Variants in RIMS2 observed in about 807,000 individuals in gnomAD.
RIMS2 encodes regulating synaptic membrane exocytosis 2, also known as regulating synaptic membrane exocytosis protein 2.
Under a neutral mutation model 174.4 loss-of-function variants are expected in RIMS2, and 59 were observed. The ratio of observed to expected loss-of-function variants is 0.34; its 90% CI spans 0.27 to 0.42. The LOEUF is 0.42. Among genes scored for constraint, RIMS2 ranks in the 10% least tolerant of loss-of-function variants. The pLI, the probability that RIMS2 is intolerant of heterozygous loss-of-function variation, is 1.00. For missense variants in RIMS2, 1,620 were observed against 1,666.3 expected, an observed-to-expected ratio of 0.97 and a Z score of 0.48; for synonymous variants, 606 against 572.5, an observed-to-expected ratio of 1.06 and a Z score of -0.84.
At chr8:104,224,500 A>G (rs1176926897) in intron 19 of RIMS2, among the ~76,000 whole-genome samples, 2 of 152,248 alleles carry the variant, frequency 1.3e-5, no homozygotes, top group African/African-American at 4.8e-5. Context: ...ACAATTTGTC[A>G]ATCAAAATGA....
intron 19 of RIMS2, among the ~76,000 whole-genome samples, chr8:104,031,557 G>T (rs891725648): frequency 6.6e-6 from 1 of 152,074 alleles, no homozygotes; most frequent in Non-Finnish European, 1.5e-5. Flanking sequence ...CATAGTTTAT[G>T]TGAGAATTTA....
chr8:103,647,639 G>C (rs577125152), intron 1 of RIMS2, among the ~76,000 whole-genome samples: 1 of 152,132 alleles, frequency 6.6e-6, no homozygotes, highest in African/African-American at 2.4e-5. Context: ...GTTTCTTCCT[G>C]GTTCAGCCTT....
chr8:104,225,112 A>G (rs753259945), intron 19 of RIMS2, among the ~76,000 whole-genome samples: 1 of 152,236 alleles, frequency 6.6e-6, no homozygotes, highest in Non-Finnish European at 1.5e-5. Context: ...TTGTAGCTAA[A>G]ACTTTTAGTA....
Position 103,881,761 on chromosome 8 carries a change from A to C in RIMS2, c.699-3537A>C, listed in dbSNP as rs182961922. Among the ~76,000 whole-genome samples, 45 of 151,652 alleles carry C rather than the reference A, an allele frequency of 3.0e-4. No homozygotes were observed. The East Asian group carries it at 8.1e-3, about 27-fold the overall frequency. On this transcript the variant is annotated intron_variant, in intron 3 of 23. Coordinates refer to ENST00000504942, the Ensembl canonical transcript of RIMS2. ...ACTACAGTAGATTTAGGATGTTTAA[A>C]ATGTGGTTTTCTATAAACTGGTTCT... is the stretch of plus-strand genomic sequence containing the variant.
chr8:103,636,785 C>T (rs13275587), intron 1 of RIMS2, among the ~76,000 whole-genome samples: 14,238 of 62,942 alleles, frequency 0.23, 1,095 homozygotes, highest in African/African-American at 0.34. Flanking sequence ...AACCCACCCC[C>T]GCACCCCCCC....
At chr8:103,662,650 T>A (rs751557682) in intron 1 of RIMS2, among the ~76,000 whole-genome samples, 1 of 151,962 alleles carries the variant, frequency 6.6e-6, no homozygotes, top group Non-Finnish European at 1.5e-5. Flanking sequence ...ATGAAACACC[T>A]TTTCCCTTTG....
intron 19 of RIMS2, among the ~76,000 whole-genome samples, chr8:104,212,737 T>C (rs1378366299): frequency 6.6e-6 from 1 of 151,384 alleles, no homozygotes; most frequent in East Asian, 1.9e-4. Flanking sequence ...TAAAAGGTCT[T>C]ATAAACCACT....
At chr8:103,760,878 T>C (rs2098104786) in intron 2 of RIMS2, among the ~76,000 whole-genome samples, 2 of 152,232 alleles carry the variant, frequency 1.3e-5, no homozygotes, top group South Asian at 4.1e-4. Context: ...ATTGTATAAG[T>C]AAATAAATAA....
At chr8:104,241,011 C>CA (rs1373232993) in intron 19 of RIMS2, among the ~76,000 whole-genome samples, 3 of 152,060 alleles carry the variant, frequency 2.0e-5, no homozygotes, top group Non-Finnish European at 4.4e-5. Flanking sequence ...GTAACTTGCT[C>CA]AGTGTCATCC....
At chr8:104,029,438 C>T (rs892103056) in intron 19 of RIMS2, among the ~76,000 whole-genome samples, 2 of 152,158 alleles carry the variant, frequency 1.3e-5, no homozygotes, top group African/African-American at 4.8e-5. Flanking sequence ...GATATTCCGA[C>T]CAGCCAGCTT....
chr8:103,545,495 G>T (rs1484939622), intron 1 of RIMS2, among the ~76,000 whole-genome samples: 1 of 152,156 alleles, frequency 6.6e-6, no homozygotes, highest in Non-Finnish European at 1.5e-5. Flanking sequence ...TCCTAGAGAG[G>T]TGAACATTGA....
intron 1 of RIMS2, among the ~76,000 whole-genome samples, chr8:103,532,403 C>A (rs182175381): frequency 1.1e-4 from 17 of 152,290 alleles, no homozygotes; most frequent in Admixed American, 9.2e-4. Context: ...TAGGAATTGA[C>A]AGGAACATAG....
chr8:103,679,797 A>G (rs1000542138), intron 1 of RIMS2, among the ~76,000 whole-genome samples: 8 of 152,006 alleles, frequency 5.3e-5, no homozygotes, highest in African/African-American at 1.9e-4. Context: ...TTTATTTGTA[A>G]TAAAAGTTTT....
At chr8:103,648,242 T>C (rs778441194) in intron 1 of RIMS2, among the ~76,000 whole-genome samples, 1 of 152,222 alleles carries the variant, frequency 6.6e-6, no homozygotes, top group Non-Finnish European at 1.5e-5. Context: ...GTGATTTTCT[T>C]AATCTTGAGT....
chr8:103,991,191 ATAAT>A (rs1327196993), intron 17 of RIMS2, among the ~76,000 whole-genome samples: 1 of 151,694 alleles, frequency 6.6e-6, no homozygotes, highest in Non-Finnish European at 1.5e-5. Context: ...AAATGTTCAT[ATAAT>A]TATTTTCTGA....
At chr8:104,105,913 A>G (rs2131384392) in intron 19 of RIMS2, among the ~76,000 whole-genome samples, 1 of 151,736 alleles carries the variant, frequency 6.6e-6, no homozygotes, top group East Asian at 1.9e-4. Flanking sequence ...GGTGGCACGC[A>G]CCAGTAGTCC....
chr8:103,747,677 T>C (rs2097840064), intron 2 of RIMS2, among the ~76,000 whole-genome samples: 1 of 152,090 alleles, frequency 6.6e-6, no homozygotes, highest in African/African-American at 2.4e-5. Flanking sequence ...TGATGGAATA[T>C]ATGTAGAATA....
intron 19 of RIMS2, among the ~76,000 whole-genome samples, chr8:104,066,813 T>C (rs1274066162): frequency 2.0e-5 from 3 of 152,146 alleles, no homozygotes; most frequent in Non-Finnish European, 4.4e-5. Flanking sequence ...TATTGAATAG[T>C]TGATTTAAAT....
At chr8:103,924,547 C>A (rs1445709594) in intron 10 of RIMS2, among the ~76,000 whole-genome samples, 1 of 151,512 alleles carries the variant, frequency 6.6e-6, no homozygotes, top group African/African-American at 2.4e-5. Flanking sequence ...ATGACAATTC[C>A]TTTTTCATTC....
Sources: gnomAD v4.1 joint callset for allele counts (sites outside exome capture counted in the v4.1 genomes callset) on GRCh38, gnomAD v4.1.1 for gene constraint, MANE v1.5 for transcripts, NCBI Gene and HGNC (gene_info 2026-07-23, HGNC 2026-07-21) for gene names.